DUSP14: variants seen among roughly 807,000 people sequenced by gnomAD.
DUSP14 encodes dual specificity phosphatase 14, also known as dual specificity protein phosphatase 14.
Under a neutral mutation model 13.2 loss-of-function variants are expected in DUSP14, and 5 were observed. The ratio of observed to expected loss-of-function variants is 0.38; its 90% confidence interval spans 0.20 to 0.80. The LOEUF is 0.80. DUSP14 is among the 30% of genes least tolerant of loss of function. The pLI is 0.44. For synonymous variants in DUSP14, 91 were observed against 103.4 expected, an observed-to-expected ratio of 0.88 and a Z score of 0.73; for missense variants, 185 against 264.0, an observed-to-expected ratio of 0.70 and a Z score of 2.07.
At chr17:37,506,243 T>G (rs2054137155) in intron 1 of DUSP14, among the ~76,000 whole-genome samples, 1 of 151,700 alleles carries the variant, frequency 6.6e-6, no homozygotes, top group African/African-American at 2.4e-5. Context: ...CTAGTCTGGG[T>G]GACAGAGAGA....
chr17:37,490,203 G>A (rs866956731), intron 1 of DUSP14, among the ~76,000 whole-genome samples: 8 of 149,502 alleles, frequency 5.4e-5, no homozygotes, highest in Non-Finnish European at 1.0e-4. Flanking sequence ...CTGAGCGTGC[G>A]CCCCCTGCCG....
At chr17:37,503,088 G>A (rs533267304) in intron 1 of DUSP14, among the ~76,000 whole-genome samples, 1 of 152,256 alleles carries the variant, frequency 6.6e-6, no homozygotes, top group African/African-American at 2.4e-5. Flanking sequence ...GGGTTCAAAT[G>A]AGGGGACATC....
At chr17:37,493,568 G>A (rs536677666) in intron 1 of DUSP14, among the ~76,000 whole-genome samples, 5 of 152,082 alleles carry the variant, frequency 3.3e-5, no homozygotes, top group South Asian at 4.2e-4. Context: ...ATGTGCTAGC[G>A]TATTTTTATT....
intron 2 of DUSP14, among the ~76,000 whole-genome samples, chr17:37,511,937 A>ATTTTT (rs1329764853): frequency 2.4e-4 from 4 of 16,442 alleles, no homozygotes; most frequent in East Asian, 2.3e-3. Flanking sequence ...CCCCCACCCC[A>ATTTTT]CTTTTTTTTT....
At chr17:37,499,434 G>T (rs1050747596) in intron 1 of DUSP14, among the ~76,000 whole-genome samples, 2 of 152,046 alleles carry the variant, frequency 1.3e-5, no homozygotes, top group African/African-American at 2.4e-5. Flanking sequence ...CGAACTCCTG[G>T]GCTCAAGCAA....
chr17:37,506,776 ACCC>A (rs2054140841), intron 1 of DUSP14, among the ~76,000 whole-genome samples: 6 of 152,104 alleles, frequency 3.9e-5, no homozygotes, highest in Middle Eastern at 3.2e-3. Flanking sequence ...GCTGAGGTCC[ACCC>A]TCTGCAGCCA....
intron 1 of DUSP14, among the ~76,000 whole-genome samples, chr17:37,490,168 C>G (rs959306284): frequency 1.8e-4 from 27 of 150,744 alleles, no homozygotes; most frequent in African/African-American, 5.8e-4. Flanking sequence ...GGCCCGAGAC[C>G]TTCCGCAGCG....
chr17:37,505,635 C>CTTTTT (rs35707292), intron 1 of DUSP14, among the ~76,000 whole-genome samples: 2 of 120,960 alleles, frequency 1.7e-5, no homozygotes, highest in East Asian at 2.4e-4. Context: ...TGGTTGTCAT[C>CTTTTT]TTTTTTTTTT....
intron 1 of DUSP14, among the ~76,000 whole-genome samples, chr17:37,506,019 T>C (rs1350355528): frequency 6.6e-6 from 1 of 151,996 alleles, no homozygotes; most frequent in Non-Finnish European, 1.5e-5. Context: ...TCCCAGCACT[T>C]TGGGAGGCTA....
At chr17:37,511,923 C>A (rs112962693) in intron 2 of DUSP14, among the ~76,000 whole-genome samples, 203 of 19,834 alleles carry the variant, frequency 0.01, 5 homozygotes, top group African/African-American at 0.055. Flanking sequence ...GCCCAGCCAC[C>A]CCCCCCCCAC....
At chr17:37,496,097 C>A (rs563185688) in intron 1 of DUSP14, among the ~76,000 whole-genome samples, 1 of 152,226 alleles carries the variant, frequency 6.6e-6, no homozygotes, top group East Asian at 1.9e-4. Context: ...TTAACTAAAT[C>A]TTTTAAATCT....
At chr17:37,489,599 C>A (rs534610050), upstream of DUSP14, among the ~76,000 whole-genome samples, 7 of 152,218 alleles carry the variant, frequency 4.6e-5, no homozygotes, top group Admixed American at 4.6e-4. Context: ...CAGACGCTGA[C>A]TGGGGAAGCG....
intron 1 of DUSP14, among the ~76,000 whole-genome samples, chr17:37,496,946 T>G (rs1018052529): frequency 4.0e-5 from 6 of 149,730 alleles, no homozygotes; most frequent in African/African-American, 1.5e-4. Context: ...AAAAGAAAAT[T>G]ATTGAAAGCA....
Position 37,512,347 on chromosome 17 carries a change from A to G in DUSP14, c.75A>G (p.Gly25=), listed in dbSNP as rs369015515. Residue 25 remains glycine (G), a synonymous_variant, in exon 3 of 3, where the codon GGA becomes GGG. Transcript: ENST00000617516. The surrounding 1 kb of genome is among the most constrained non-coding windows in gnomAD (Gnocchi z 4.8). ...GGATGATTTCCGAGGGAGACATAGG[A>G]GGCATTGCTCAAATCACCTCCTCTC... The part of the protein sequence containing the change: ...APRMISEGDI[G]GIAQITSSLF... The G allele has an allele frequency of 1.2e-6, 2 of 1,614,044 alleles. No homozygotes were observed. The highest frequency in any genetic ancestry group is 1.7e-6 in the Non-Finnish European group (2 of 1,179,974).
At chr17:37,507,633 A>G (rs2054146737) in intron 1 of DUSP14, among the ~76,000 whole-genome samples, 1 of 152,124 alleles carries the variant, frequency 6.6e-6, no homozygotes, top group South Asian at 2.1e-4. Context: ...TTGTATTTTT[A>G]GTAGAGACGG....
intron 1 of DUSP14, among the ~76,000 whole-genome samples, chr17:37,502,054 G>T (rs1289118479): frequency 2.0e-5 from 3 of 152,136 alleles, no homozygotes; most frequent in Non-Finnish European, 4.4e-5. Flanking sequence ...TAAAATCCTA[G>T]CACAGGGTTA....
At chr17:37,504,425 G>A (rs1029494983) in intron 1 of DUSP14, among the ~76,000 whole-genome samples, 6 of 152,070 alleles carry the variant, frequency 3.9e-5, no homozygotes, top group East Asian at 1.9e-4. Flanking sequence ...TATCCTCATC[G>A]TGTACATATC....
intron 1 of DUSP14, among the ~76,000 whole-genome samples, chr17:37,499,219 G>A (rs921221522): frequency 2.6e-5 from 4 of 152,158 alleles, no homozygotes; most frequent in African/African-American, 9.7e-5. Flanking sequence ...GGGGGAAACC[G>A]CCCCCACCTG....
rs1180740484 is a variant in DUSP14, at chr17:37,509,101, A to AC, written c.-180-1573dup. On this transcript the variant is annotated intron_variant, in intron 1 of 2. Coordinates refer to ENST00000617516, the MANE Select transcript of DUSP14 (RefSeq NM_007026.4). ...AGAAGCCAGACCAAAAAAAAAAAAA[A>AC]CCCATATATATATATATATATATAT... 4.1e-5 allele frequency among the ~76,000 whole-genome samples: 2 copies of AC among 49,190 alleles called. 1 individual carries two copies. Among genetic ancestry groups the AC allele is most frequent in the African/African-American group, 1.5e-4 (2 of 12,924 alleles). 32.3% of individuals were successfully genotyped at this position (49,190 alleles called of 152,430 possible).
Sources: allele counts gnomAD v4.1 joint callset (sites outside exome capture counted in the v4.1 genomes callset), GRCh38; gene constraint gnomAD v4.1.1; non-coding constraint Gnocchi (gnomAD v3.1); transcripts MANE v1.5; gene names NCBI Gene and HGNC (gene_info 2026-07-23, HGNC 2026-07-21).